Variants in CNBD1 observed in about 807,000 individuals in gnomAD.
CNBD1 encodes the protein cyclic nucleotide-binding domain-containing protein 1.
CNBD1 carries 71 observed loss-of-function variants against 54.4 expected under a neutral mutation model. That is an observed-to-expected ratio of 1.30 (90% CI 1.08 to 1.59). The LOEUF (loss-of-function observed/expected upper bound fraction) is 1.59, where lower values mean the gene tolerates loss of function less well. Ranked by LOEUF, CNBD1 falls within the 40% of genes most tolerant of loss-of-function variation. CNBD1 has a pLI of 0.00. For missense variants in CNBD1, 659 were observed against 518.0 expected (o/e 1.27, Z -2.64); for synonymous variants, 182 against 170.7 (o/e 1.07, Z -0.51).
intron 8 of CNBD1, among the ~76,000 whole-genome samples, chr8:87,319,725 A>G (rs774278141): frequency 6.6e-6 from 1 of 152,090 alleles, no homozygotes; most frequent in Non-Finnish European, 1.5e-5. Flanking sequence ...ATTGATTGAA[A>G]AATAATAATG....
chr8:87,177,943 A>G (rs1813232312), intron 4 of CNBD1, among the ~76,000 whole-genome samples: 1 of 152,190 alleles, frequency 6.6e-6, no homozygotes, highest in African/African-American at 2.4e-5. Flanking sequence ...AAAGGTACAT[A>G]AAGAAGATAT....
intron 4 of CNBD1, among the ~76,000 whole-genome samples, chr8:87,041,206 G>A (rs1003747836): frequency 2.0e-5 from 3 of 152,120 alleles, no homozygotes; most frequent in African/African-American, 7.2e-5. Flanking sequence ...AAGATAAACG[G>A]TTAGGGAATG....
intron 4 of CNBD1, among the ~76,000 whole-genome samples, chr8:87,053,190 G>A (rs181770805): frequency 7.9e-5 from 12 of 152,288 alleles, no homozygotes; most frequent in Admixed American, 1.3e-4. Context: ...GGGTTGTGTC[G>A]CAGGACAAAG....
At chr8:87,414,444 G>A (rs1807804076) in intron 2 of CNBD1, among the ~76,000 whole-genome samples, 2 of 152,088 alleles carry the variant, frequency 1.3e-5, no homozygotes, top group South Asian at 4.2e-4. Flanking sequence ...AATGGGTGCA[G>A]CACACCAACA....
chr8:87,224,712 A>T (rs1431572679), intron 5 of CNBD1, among the ~76,000 whole-genome samples: 1 of 151,510 alleles, frequency 6.6e-6, no homozygotes, highest in African/African-American at 2.4e-5. Context: ...CTCAGGATTG[A>T]CTTGGCGATG....
intron 6 of CNBD1, among the ~76,000 whole-genome samples, chr8:87,255,125 G>A (rs1464586134): frequency 6.6e-6 from 1 of 151,978 alleles, no homozygotes; most frequent in Non-Finnish European, 1.5e-5. Context: ...ATTACTTAAT[G>A]CAAGGTTACT....
chr8:86,964,212 C>T (rs114830213), intron 4 of CNBD1, among the ~76,000 whole-genome samples: 665 of 6,018 alleles, frequency 0.11, 4 homozygotes, highest in African/African-American at 0.29. Context: ...CCCTGGTCTA[C>T]CATGGATAGC....
intron 10 of CNBD1, among the ~76,000 whole-genome samples, chr8:87,372,074 T>A (rs1250448502): frequency 6.6e-6 from 1 of 152,030 alleles, no homozygotes; most frequent in Non-Finnish European, 1.5e-5. Flanking sequence ...GACATGATTG[T>A]ATATCCAGAA....
intron 4 of CNBD1, among the ~76,000 whole-genome samples, chr8:86,945,023 A>C (rs991986128): frequency 6.6e-6 from 1 of 152,100 alleles, no homozygotes; most frequent in Non-Finnish European, 1.5e-5. Flanking sequence ...AATCCTGGGC[A>C]AATCATCTGA....
intron 4 of CNBD1, among the ~76,000 whole-genome samples, chr8:87,154,281 A>G (rs1353326575): frequency 6.6e-6 from 1 of 152,204 alleles, no homozygotes; most frequent in Non-Finnish European, 1.5e-5. Context: ...AGAAGCTGCT[A>G]AAGAAACAGA....
At chr8:87,420,771 C>A (rs1807919686) in intron 2 of CNBD1, among the ~76,000 whole-genome samples, 1 of 148,860 alleles carries the variant, frequency 6.7e-6, no homozygotes, top group South Asian at 2.1e-4. Flanking sequence ...GCTTGATTTT[C>A]TTCTTTTTTT....
At chr8:87,426,342 C>T (rs1208231481) in intron 2 of CNBD1, among the ~76,000 whole-genome samples, 1 of 152,134 alleles carries the variant, frequency 6.6e-6, no homozygotes, top group South Asian at 2.1e-4. Flanking sequence ...TTGGCTCTTC[C>T]CTGTTTGCTT....
intron 5 of CNBD1, among the ~76,000 whole-genome samples, chr8:87,230,759 C>T (rs1814667690): frequency 6.6e-6 from 1 of 152,088 alleles, no homozygotes; most frequent in South Asian, 2.1e-4. Context: ...ACAGGAATAG[C>T]TGTTTCTAGA....
At chr8:86,909,420 T>G (rs1809067219) in intron 3 of CNBD1, among the ~76,000 whole-genome samples, 1 of 152,220 alleles carries the variant, frequency 6.6e-6, no homozygotes, top group Admixed American at 6.5e-5. Flanking sequence ...AGCTAGATGG[T>G]TTCCTGAGAA....
chr8:86,881,474 T>C, intron 1 of CNBD1, among the ~76,000 whole-genome samples: 1 of 151,862 alleles, frequency 6.6e-6, no homozygotes, highest in Non-Finnish European at 1.5e-5. Flanking sequence ...AGGTAAAAGA[T>C]CTCTACAAGG....
rs1424920918 is a variant in CNBD1 at position 86,866,545 on chromosome 8, T to C, written c.50T>C (p.Ile17Thr). 2 of 1,612,222 alleles carry C rather than the reference T, an allele frequency of 1.2e-6. No individual in the cohort carries two copies. Among genetic ancestry groups the C allele is most frequent in the Non-Finnish European group, 1.7e-6 (2 of 1,179,232 alleles). ...GCTATTTTGTCTCACATGACAGCTA[T>C]TAACAATGTGCCTCCTCCTCCACTT... ...PAAILSHMTA[I>T]NNVPPPPLHS... is the part of the protein sequence containing the mutation. The change falls in exon 1 of 11, where the codon ATT becomes ACT. Residue 17 changes from isoleucine (I) to threonine (T), a missense_variant. Ile to Thr is a moderately conservative substitution (Grantham distance 89, BLOSUM62 -1). Transcript: ENST00000518476.
At chr8:87,178,149 C>A (rs1289170634) in intron 4 of CNBD1, among the ~76,000 whole-genome samples, 5 of 152,178 alleles carry the variant, frequency 3.3e-5, no homozygotes, top group Non-Finnish European at 5.9e-5. Flanking sequence ...TAGTACAGAA[C>A]TTAATACAGA....
At chr8:87,351,143 T>A (rs1810282214) in intron 8 of CNBD1, among the ~76,000 whole-genome samples, 1 of 152,168 alleles carries the variant, frequency 6.6e-6, no homozygotes, top group Non-Finnish European at 1.5e-5. Context: ...AGGGGTTATG[T>A]CATTTATCTA....
intron 4 of CNBD1, among the ~76,000 whole-genome samples, chr8:86,954,476 T>C (rs1241524950): frequency 6.6e-6 from 1 of 152,232 alleles, no homozygotes; most frequent in African/African-American, 2.4e-5. Flanking sequence ...CTTTAAAAGA[T>C]CAATTTTTAC....
Sources: gnomAD v4.1 joint callset for allele counts (sites outside exome capture counted in the v4.1 genomes callset) on GRCh38, gnomAD v4.1.1 for gene constraint, MANE v1.5 for transcripts, NCBI Gene and HGNC (gene_info 2026-07-23, HGNC 2026-07-21) for gene names.